Variants in CACNA2D1 observed in about 807,000 individuals in gnomAD.
The protein encoded by CACNA2D1 is calcium voltage-gated channel auxiliary subunit alpha2delta 1.
Under a neutral mutation model 171.5 loss-of-function variants are expected in CACNA2D1, and 53 were observed. The ratio of observed to expected loss-of-function variants is 0.31; its 90% CI spans 0.25 to 0.39. CACNA2D1 has a LOEUF of 0.39. CACNA2D1 is among the 10% of genes least tolerant of loss of function. CACNA2D1 has a pLI of 1.00. For synonymous variants in CACNA2D1, 442 were observed against 443.1 expected (o/e 1.00, Z 0.03); for missense variants, 903 against 1,299.8 (o/e 0.69, Z 4.69).
At chr7:82,302,011 C>T (rs1261181136) in intron 3 of CACNA2D1, among the ~76,000 whole-genome samples, 1 of 152,122 alleles carries the variant, frequency 6.6e-6, no homozygotes, top group African/African-American at 2.4e-5. Flanking sequence ...TCACCCACCT[C>T]AGCCTCCCAA....
At chr7:82,418,846 C>T (rs560111335) in intron 1 of CACNA2D1, among the ~76,000 whole-genome samples, 3 of 152,258 alleles carry the variant, frequency 2.0e-5, no homozygotes, top group East Asian at 1.9e-4. Flanking sequence ...AGGCTGGGCA[C>T]GGTGGCTCAC....
intron 3 of CACNA2D1, among the ~76,000 whole-genome samples, chr7:82,237,181 G>T (rs1803680326): frequency 1.3e-5 from 2 of 151,748 alleles, no homozygotes; most frequent in Non-Finnish European, 2.9e-5. Context: ...AAAAAAATAT[G>T]TTCTAAATTC....
chr7:81,965,228 T>C (rs917666269), intron 32 of CACNA2D1, among the ~76,000 whole-genome samples: 5 of 152,064 alleles, frequency 3.3e-5, no homozygotes, highest in Non-Finnish European at 7.4e-5. Context: ...TGCTGCTCAT[T>C]TGCAGGTTTG....
intron 11 of CACNA2D1, among the ~76,000 whole-genome samples, chr7:82,037,307 C>T (rs369260484): frequency 3.9e-4 from 60 of 152,138 alleles, no homozygotes; most frequent in South Asian, 2.3e-3. Context: ...GGTGAAACCC[C>T]GTCTCTACTA....
At chr7:82,407,860 G>A (rs761974833) in intron 1 of CACNA2D1, among the ~76,000 whole-genome samples, 1 of 151,786 alleles carries the variant, frequency 6.6e-6, no homozygotes, top group Non-Finnish European at 1.5e-5. Flanking sequence ...ATAGATTAGG[G>A]ATTCTATGCC....
chr7:81,991,426 C>T (rs1283115712), intron 20 of CACNA2D1, among the ~76,000 whole-genome samples, 180 bp from the exon 21 acceptor site: 1 of 151,932 alleles, frequency 6.6e-6, no homozygotes, highest in Non-Finnish European at 1.5e-5. Context: ...AAATTTTTGA[C>T]AGAAACAAAT....
At chr7:82,072,481 C>A (rs1388424643) in intron 7 of CACNA2D1, among the ~76,000 whole-genome samples, 3 of 151,672 alleles carry the variant, frequency 2.0e-5, no homozygotes, top group Non-Finnish European at 4.4e-5. Flanking sequence ...TCTAGTGAGT[C>A]CCAAATACAT....
chr7:82,075,231 AAC>A (rs1354313323), intron 7 of CACNA2D1, among the ~76,000 whole-genome samples: 1 of 145,496 alleles, frequency 6.9e-6, no homozygotes, highest in East Asian at 2.0e-4. Context: ...AAAAAAAAAA[AAC>A]CCTTATTACA....
intron 4 of CACNA2D1, among the ~76,000 whole-genome samples, chr7:82,166,153 G>C (rs550131101): frequency 6.6e-6 from 1 of 151,914 alleles, no homozygotes; most frequent in South Asian, 2.1e-4. Context: ...AGTTTAACTC[G>C]CATAAACACA....
chr7:82,130,160 T>G (rs1435768915), intron 5 of CACNA2D1, among the ~76,000 whole-genome samples: 2 of 152,198 alleles, frequency 1.3e-5, no homozygotes, highest in East Asian at 3.9e-4. Context: ...GTTTGAGTGA[T>G]TACAATGTGT....
chr7:82,049,721 A>C (rs1804980843), intron 10 of CACNA2D1, among the ~76,000 whole-genome samples: 1 of 152,180 alleles, frequency 6.6e-6, no homozygotes, highest in African/African-American at 2.4e-5. Context: ...GCTCCCAGGC[A>C]AGGCTCAGAC....
intron 11 of CACNA2D1, among the ~76,000 whole-genome samples, chr7:82,036,809 T>C (rs1803333045): frequency 6.6e-6 from 1 of 152,222 alleles, no homozygotes; most frequent in South Asian, 2.1e-4. Context: ...AAAGATCAAA[T>C]ATAAGAGTTC....
chr7:82,149,493 C>T (rs1391628235), intron 4 of CACNA2D1, among the ~76,000 whole-genome samples: 2 of 151,980 alleles, frequency 1.3e-5, no homozygotes, highest in African/African-American at 4.8e-5. Context: ...GAATTTCACT[C>T]AAAACGGTCA....
intron 10 of CACNA2D1, among the ~76,000 whole-genome samples, chr7:82,039,813 C>T (rs945189052): frequency 6.6e-6 from 1 of 152,038 alleles, no homozygotes; most frequent in Non-Finnish European, 1.5e-5. Context: ...CAAAAGAAGC[C>T]TTTTTAAGAA....
At position 82,145,567 on chromosome 7, in the gene CACNA2D1, A is replaced by C. The variant is rs1792920313; in HGVS notation, c.355-8891T>G. On this transcript the variant is annotated intron_variant, in intron 4 of 38. Transcript: ENST00000356860. ...TGTGTATATATGTGCGTATATATAA[A>C]ATTTTTACATATAAAATTTATATAT... 2.1e-5 allele frequency among the ~76,000 whole-genome samples: 3 copies of C among 143,376 alleles called. No individual in the cohort carries two copies. The South Asian group carries it at 6.4e-4, about 31-fold the overall frequency. The allele number at this position is 143,376 out of a possible 152,430, so 94.1% of individuals were successfully genotyped here. A position where few individuals can be genotyped will look rare whatever the true frequency, so the allele number is the denominator to read the frequency against.
intron 36 of CACNA2D1, 63 bp from the exon 37 acceptor site, chr7:81,959,892 CAA>C: frequency 6.4e-7 from 1 of 1,559,376 alleles, no homozygotes; most frequent in South Asian, 1.2e-5. Context: ...GGAAATCTTT[CAA>C]AGATTCTTAC....
At chr7:82,137,058 T>A (rs2129079224) in intron 4 of CACNA2D1, among the ~76,000 whole-genome samples, 1 of 152,344 alleles carries the variant, frequency 6.6e-6, no homozygotes, top group Non-Finnish European at 1.5e-5. Flanking sequence ...AAGCCATGAT[T>A]TTTATATACA....
intron 21 of CACNA2D1, among the ~76,000 whole-genome samples, chr7:81,988,784 T>A (rs577790198): frequency 6.6e-6 from 1 of 152,326 alleles, no homozygotes; most frequent in East Asian, 1.9e-4. Context: ...GCCAACTATG[T>A]GCCACTGTCA....
chr7:82,070,326 T>C (rs2128991034), intron 7 of CACNA2D1, among the ~76,000 whole-genome samples: 1 of 152,352 alleles, frequency 6.6e-6, no homozygotes, highest in African/African-American at 2.4e-5. Flanking sequence ...TGGGAAATAC[T>C]TGACATACAG....
Sources: allele counts gnomAD v4.1 joint callset (sites outside exome capture counted in the v4.1 genomes callset), GRCh38; gene constraint gnomAD v4.1.1; transcripts MANE v1.5; gene names NCBI Gene and HGNC (gene_info 2026-07-23, HGNC 2026-07-21).